MAP4K2: variants seen among roughly 807,000 people sequenced by gnomAD.
MAP4K2 encodes mitogen-activated protein kinase kinase kinase kinase 2.
MAP4K2 carries 85 observed loss-of-function variants against 125.3 expected under a neutral mutation model. The observed-to-expected ratio is 0.68, with a 90% CI of 0.57 to 0.81. The LOEUF (loss-of-function observed/expected upper bound fraction) is 0.81. Ranked by LOEUF, MAP4K2 falls within the 40% of genes least tolerant of loss-of-function variation. The probability of loss-of-function intolerance (pLI) is 0.00; values close to 1 mark genes in which losing one functional copy is unlikely to be tolerated. For synonymous variants in MAP4K2, 479 were observed against 445.1 expected (o/e 1.08, Z -0.96); for missense variants, 923 against 1,056.4 (o/e 0.87, Z 1.75).
rs1940181551 is a variant in MAP4K2, at chr11:64,785,442, C to T, written c.*4095G>A. On this transcript the variant is annotated 3_prime_UTR_variant, in exon 32 of 32. Coordinates refer to ENST00000294066, the MANE Select transcript of MAP4K2 (RefSeq NM_004579.5). ...GGCAGCAACTGCAAAGTGGCAATTC[C>T]AGAGTTCTGTGCAGGACGCTGCAGT... 2 of 152,332 alleles carry T rather than the reference C, an allele frequency of 1.3e-5. No homozygotes were observed. Among genetic ancestry groups the T allele is most frequent in the South Asian group, 4.1e-4 (2 of 4,830 alleles). The allele number at this position is 152,332 out of a possible 1,614,324, so 9.4% of individuals were successfully genotyped here. A position where few individuals can be genotyped will look rare whatever the true frequency, so the allele number is the denominator to read the frequency against.
Position 64,797,489 on chromosome 11 carries a change from T to C in MAP4K2, c.1170+12A>G. 6.4e-7 allele frequency: 1 copy of C among 1,562,216 alleles called. No individual in the cohort carries two copies. Among genetic ancestry groups the C allele is most frequent in the East Asian group, 2.4e-5 (1 of 42,022 alleles). On this transcript the variant is annotated intron_variant, in intron 17 of 31. Transcript: ENST00000294066. ...GCCTGGATCCCAGCTCCAGCCTCCC[T>C]CTGTGTGGCACCTGGAATTCTGAGG...
rs201440841 is a variant in MAP4K2, at chr11:64,796,731, G to A, written c.1493-18C>T. On this transcript the variant is annotated intron_variant, in intron 21 of 31. Transcript: ENST00000294066. ...GAACTGGTCTGCCAGTTTGGGCATG[G>A]GGTCAGAGGTCAGACATGGCCCCTG... 991 of 1,613,968 alleles carry A rather than the reference G, an allele frequency of 6.1e-4. 2 individuals carry two copies. The highest frequency in any genetic ancestry group is 1.2e-3 in the South Asian group (113 of 91,084).
At chr11:64,802,510 C>T in intron 3 of MAP4K2, 27 bp from the exon 4 acceptor site, 1 of 1,559,572 alleles carries the variant, frequency 6.4e-7, no homozygotes, top group South Asian at 1.2e-5. Flanking sequence ...GGGGTGGGCA[C>T]AAAGCAGGTC....
At chr11:64,794,428 C>T (rs1050912233) in intron 24 of MAP4K2, among the ~76,000 whole-genome samples, 5 of 151,712 alleles carry the variant, frequency 3.3e-5, no homozygotes, top group African/African-American at 7.3e-5. Context: ...GGTGCGATCT[C>T]GGCTCATTGC....
Position 64,800,362 on chromosome 11 carries a change from C to A in MAP4K2, c.756G>T (p.Leu252=). 1.2e-6 allele frequency: 2 copies of A among 1,614,078 alleles called. No homozygotes were observed. The highest frequency in any genetic ancestry group is 1.7e-6 in the Non-Finnish European group (2 of 1,180,010). ...WTQNFHHFLK[L]ALTKNPKKRP... is the part of the protein sequence containing the mutation. Reference sequence around the variant, plus strand: ...TCTTCTTAGGATTCTTGGTCAGGGCCAGTTTGAGAAAGTGGTGGAAATTCT... The same window carrying A: ...TCTTCTTAGGATTCTTGGTCAGGGCAAGTTTGAGAAAGTGGTGGAAATTCT... The change falls in exon 11 of 32, where the codon CTG becomes CTT. Residue 252 remains leucine (L), a synonymous_variant. Transcript: ENST00000294066.
Position 64,796,549 on chromosome 11 carries a change from A to T in MAP4K2, c.1577T>A (p.Ile526Asn). Residue 526 changes from isoleucine to asparagine, a missense_variant, in exon 23 of 32, where the codon ATT becomes AAT. By Grantham distance (149) the Ile-to-Asn change is moderately radical. Transcript: ENST00000294066. ...ELHEDTLEKL[I>N]SHRCSWLYCV... ...GTAGAGCCAGGAGCAGCGATGTGAA[A>T]TCAGCTGGAGGCCACAGAGGGACAG... 6.2e-7 allele frequency: 1 copy of T among 1,613,952 alleles called. No individual in the cohort carries two copies. The highest frequency in any genetic ancestry group is 8.5e-7 in the Non-Finnish European group (1 of 1,180,022).
At chr11:64,790,296 G>A in intron 28 of MAP4K2, 22 bp from the exon 29 acceptor site, 2 of 1,613,930 alleles carry the variant, frequency 1.2e-6, no homozygotes, top group Non-Finnish European at 8.5e-7. Flanking sequence ...AGGAATTGGT[G>A]AGTGGGGACG....
At position 64,801,640 on chromosome 11, in the gene MAP4K2, G is replaced by A. The variant is rs747117217; in HGVS notation, c.415-19C>T. 8 of 1,613,970 alleles carry A rather than the reference G, an allele frequency of 5.0e-6. No individual in the cohort carries two copies. The highest frequency in any genetic ancestry group is 6.8e-6 in the Non-Finnish European group (8 of 1,179,938). Reference sequence around the variant, plus strand: ...TGGCTCCCTGTGGGAATGGAGGAGAGACAATCCCATCTGGTGCCCCCGAGG... The same window carrying A: ...TGGCTCCCTGTGGGAATGGAGGAGAAACAATCCCATCTGGTGCCCCCGAGG... On this transcript the variant is annotated intron_variant, in intron 6 of 31. Transcript: ENST00000294066.
At position 64,792,091 on chromosome 11, in the gene MAP4K2, G is replaced by C. The variant is rs763384947; in HGVS notation, c.1915-5C>G. On this transcript the variant is annotated splice_region_variant and splice_polypyrimidine_tract_variant and intron_variant, in intron 26 of 31. Coordinates refer to ENST00000294066, the MANE Select transcript of MAP4K2 (RefSeq NM_004579.5). ...GGGCAGAGGGCTGGAGAAGTTCTAG[G>C]GGGCAGCAGGGATGCTCAGGTCTCC... is the stretch of plus-strand genomic sequence containing the variant. The C allele has an allele frequency of 8.2e-6, 13 of 1,581,596 alleles. No individual in the cohort carries two copies. In the East Asian group the frequency reaches 2.8e-4, roughly 34 times the overall value.
At chr11:64,791,802 C>T (rs1940492521) in intron 27 of MAP4K2, 107 bp downstream of exon 27, 1 of 1,233,480 alleles carries the variant, frequency 8.1e-7, no homozygotes, top group Non-Finnish European at 1.1e-6. Context: ...TCTGTGGAGC[C>T]ACTGGCTGTG....
At position 64,790,271 on chromosome 11, in the gene MAP4K2, C is replaced by T. The variant is rs144446553; in HGVS notation, c.2165G>A (p.Cys722Tyr). 2 of 1,614,182 alleles carry T rather than the reference C, an allele frequency of 1.2e-6. No individual in the cohort carries two copies. The highest frequency in any genetic ancestry group is 2.7e-5 in the African/African-American group (2 of 75,068). The stretch of plus-strand genomic sequence containing the variant: ...GCCCTGCATGTTGACAATCCTCACA[C>T]AGCCTGCACAGGGAAGGAATTGGTG... The part of the protein sequence containing the change: ...RDTILVSFER[C>Y]VRIVNMQGEP... Residue 722 changes from cysteine to tyrosine, a missense_variant, in exon 29 of 32, where the codon TGT (cysteine) becomes TAT (tyrosine). By Grantham distance (194) the Cys-to-Tyr change is radical. Coordinates refer to ENST00000294066, the MANE Select transcript of MAP4K2 (RefSeq NM_004579.5).
chr11:64,788,704 G>T lies in MAP4K2; in HGVS notation c.*833C>A, dbSNP rs1205956867. 6.6e-6 allele frequency: 1 copy of T among 152,274 alleles called. No homozygotes were observed. The highest frequency in any genetic ancestry group is 2.4e-5 in the African/African-American group (1 of 41,444). 9.4% of individuals were successfully genotyped at this position (152,274 alleles called of 1,614,324 possible). A position where few individuals can be genotyped will look rare whatever the true frequency, so the allele number is the denominator to read the frequency against. On this transcript the variant is annotated 3_prime_UTR_variant, in exon 32 of 32. Coordinates refer to ENST00000294066, the MANE Select transcript of MAP4K2 (RefSeq NM_004579.5). Reference sequence around the variant, plus strand: ...CTGGTCTAACACCTAGGCAGTAGGTGGAGGCAGGGGATACAGGTCACACAG... The same window carrying T: ...CTGGTCTAACACCTAGGCAGTAGGTTGAGGCAGGGGATACAGGTCACACAG...
Position 64,803,211 on chromosome 11 carries a change from G to T in MAP4K2, c.-62C>A. The T allele has an allele frequency of 2.7e-6, 2 of 729,920 alleles. No homozygotes were observed. Among genetic ancestry groups the T allele is most frequent in the Non-Finnish European group, 3.3e-6 (2 of 599,174 alleles). The allele number at this position is 729,920 out of a possible 1,614,324, so 45.2% of individuals were successfully genotyped here. ...CGAGCTGCGGAGCCGGCGCGGGGCG[G>T]CGCGGGGCGGGGCGGGCGCCCGTGG... On this transcript the variant is annotated 5_prime_UTR_variant, in exon 1 of 32. Coordinates refer to ENST00000294066, the MANE Select transcript of MAP4K2 (RefSeq NM_004579.5).
intron 2 of MAP4K2, 83 bp downstream of exon 2, chr11:64,802,802 G>A (rs1382319216): frequency 6.6e-7 from 1 of 1,516,254 alleles, no homozygotes; most frequent in Non-Finnish European, 8.9e-7. Flanking sequence ...AGGGGTCTCG[G>A]AAACGTCAAC....
chr11:64,798,745 C>T (rs1358983225), intron 15 of MAP4K2, 49 bp downstream of exon 15: 2 of 1,610,100 alleles, frequency 1.2e-6, no homozygotes, highest in Admixed American at 1.7e-5. Context: ...AGAGGTCAGC[C>T]TTTCTGCCGC....
intron 1 of MAP4K2, 40 bp from the exon 2 acceptor site, chr11:64,802,982 CG>C: frequency 3.2e-6 from 5 of 1,543,666 alleles, no homozygotes; most frequent in Non-Finnish European, 1.8e-6. Context: ...GGGGCGGGGC[CG>C]GGGGCTAGAT....
chr11:64,790,784 G>A (rs996205256), intron 27 of MAP4K2, among the ~76,000 whole-genome samples: 3 of 152,198 alleles, frequency 2.0e-5, no homozygotes, highest in Non-Finnish European at 2.9e-5. Context: ...CGGAGCCTCT[G>A]TTTCCTCATA....
rs1421405681 is a variant in MAP4K2, at chr11:64,800,386, C to T, written c.732G>A (p.Gln244=). ...PKLRDKTRWT[Q]NFHHFLKLAL... is the part of the protein sequence containing the mutation. ...CCAGTTTGAGAAAGTGGTGGAAATT[C>T]TGGGTCCTAGAAGGCACAAGAGCCC... Residue 244 remains glutamine, a synonymous_variant, in exon 11 of 32, where the codon CAG becomes CAA. Transcript: ENST00000294066. The T allele has an allele frequency of 6.2e-7, 1 of 1,614,050 alleles. No homozygotes were observed. The highest frequency in any genetic ancestry group is 1.7e-5 in the Admixed American group (1 of 60,032).
Position 64,788,567 on chromosome 11 carries a change from T to C in MAP4K2, c.*970A>G, listed in dbSNP as rs1275150550. 1 of 152,228 alleles carries C rather than the reference T, an allele frequency of 6.6e-6. No homozygotes were observed. The highest frequency in any genetic ancestry group is 1.5e-5 in the Non-Finnish European group (1 of 68,068). 9.4% of individuals were successfully genotyped at this position (152,228 alleles called of 1,614,324 possible). On this transcript the variant is annotated 3_prime_UTR_variant, in exon 32 of 32. Transcript: ENST00000294066. ...GACGCCCTCCCTGGGGGCTGGTCTGTTTCTGGTAGTGACCCCAGGGCCTGG... is the reference window on the plus strand; with the variant it reads ...GACGCCCTCCCTGGGGGCTGGTCTGCTTCTGGTAGTGACCCCAGGGCCTGG...
Sources: allele counts gnomAD v4.1 joint callset (sites outside exome capture counted in the v4.1 genomes callset), GRCh38; gene constraint gnomAD v4.1.1; transcripts MANE v1.5; gene names NCBI Gene and HGNC (gene_info 2026-07-23, HGNC 2026-07-21).